The following LUZP2 variants were observed in gnomAD, a reference collection of about 807,000 sequenced individuals.
LUZP2 encodes the protein leucine zipper protein 2.
In LUZP2, 52 loss-of-function variants were observed where a neutral mutation model predicts 51.6. The observed-to-expected ratio is 1.01, with a 90% CI of 0.81 to 1.27. The LOEUF is 1.27. Ranked by LOEUF, LUZP2 falls within the 50% of genes most tolerant of loss-of-function variation. The pLI is 0.00. For missense variants in LUZP2, 436 were observed against 395.4 expected, an observed-to-expected ratio of 1.10 and a Z score of -0.87; for synonymous variants, 154 against 137.3, an observed-to-expected ratio of 1.12 and a Z score of -0.85.
chr11:24,874,375 A>G (rs1852181607), intron 5 of LUZP2, among the ~76,000 whole-genome samples: 1 of 152,114 alleles, frequency 6.6e-6, no homozygotes, highest in East Asian at 1.9e-4. Context: ...GCTTTATTAT[A>G]TGCCACCTCT....
chr11:24,927,863 C>T (rs2133828978), intron 7 of LUZP2, among the ~76,000 whole-genome samples: 1 of 152,154 alleles, frequency 6.6e-6, no homozygotes, highest in East Asian at 1.9e-4. Flanking sequence ...TTCTACCCAT[C>T]CATGAGCATG....
intron 1 of LUZP2, among the ~76,000 whole-genome samples, chr11:24,666,098 C>T (rs186061203): frequency 6.6e-6 from 1 of 152,108 alleles, no homozygotes. Context: ...ACATTCAGAG[C>T]AAGTATGAAG....
At chr11:24,571,058 A>G (rs1279788536) in intron 1 of LUZP2, among the ~76,000 whole-genome samples, 2 of 152,080 alleles carry the variant, frequency 1.3e-5, no homozygotes, top group African/African-American at 4.8e-5. Flanking sequence ...AGAAAAATAG[A>G]CTACTATTCC....
intron 7 of LUZP2, among the ~76,000 whole-genome samples, chr11:24,928,037 G>T (rs1248781925): frequency 6.6e-6 from 1 of 151,880 alleles, no homozygotes; most frequent in Non-Finnish European, 1.5e-5. Flanking sequence ...TTATTTATCA[G>T]TTTGATCACT....
chr11:24,574,205 TTCC>T (rs1852538052), intron 1 of LUZP2, among the ~76,000 whole-genome samples: 1 of 2,970 alleles, frequency 3.4e-4, no homozygotes, highest in Non-Finnish European at 7.7e-3. Context: ...TTTCTCTTTC[TTCC>T]TTCCTTTCTT....
chr11:24,726,272 A>G (rs1404505017), intron 1 of LUZP2, among the ~76,000 whole-genome samples: 1 of 152,114 alleles, frequency 6.6e-6, no homozygotes, highest in Non-Finnish European at 1.5e-5. Context: ...TCATGCCATT[A>G]GCAAATTTTC....
intron 9 of LUZP2, among the ~76,000 whole-genome samples, chr11:25,029,977 A>G (rs1857599630): frequency 6.6e-6 from 1 of 152,124 alleles, no homozygotes; most frequent in Non-Finnish European, 1.5e-5. Context: ...ACATAATAAA[A>G]CAAGCACACA....
chr11:24,592,240 A>G (rs10767218), intron 1 of LUZP2, among the ~76,000 whole-genome samples: 70,889 of 152,064 alleles, frequency 0.47, 17,099 homozygotes, highest in East Asian at 0.68. Flanking sequence ...ATGCCATGCT[A>G]TAATTTTCTT....
chr11:24,776,495 T>C (rs1033709714), intron 5 of LUZP2, among the ~76,000 whole-genome samples: 6 of 152,152 alleles, frequency 3.9e-5, no homozygotes, highest in Non-Finnish European at 5.9e-5. Context: ...GACTGATAAG[T>C]AAATATATCC....
intron 5 of LUZP2, among the ~76,000 whole-genome samples, chr11:24,773,721 T>G (rs1208005784): frequency 1.3e-5 from 2 of 152,142 alleles, no homozygotes; most frequent in African/African-American, 4.8e-5. Flanking sequence ...TCAGTAGCAT[T>G]TAAAATCTCC....
At chr11:24,671,874 T>C (rs1369832820) in intron 1 of LUZP2, among the ~76,000 whole-genome samples, 1 of 152,186 alleles carries the variant, frequency 6.6e-6, no homozygotes, top group African/African-American at 2.4e-5. Flanking sequence ...TATTTTAATT[T>C]AGTTTTCAAA....
At chr11:24,660,481 C>A (rs1041404604) in intron 1 of LUZP2, among the ~76,000 whole-genome samples, 9 of 152,110 alleles carry the variant, frequency 5.9e-5, no homozygotes, top group Admixed American at 6.6e-5. Context: ...AAAATACCAA[C>A]TTTAGTTATA....
At chr11:24,686,849 A>ACC in intron 1 of LUZP2, among the ~76,000 whole-genome samples, 1 of 151,960 alleles carries the variant, frequency 6.6e-6, no homozygotes, top group South Asian at 2.1e-4. Flanking sequence ...TAAAGGTTTG[A>ACC]CCCTGCTCAT....
chr11:24,716,014 C>T (rs11028115), intron 1 of LUZP2, among the ~76,000 whole-genome samples: 3,609 of 152,024 alleles, frequency 0.024, 134 homozygotes, highest in African/African-American at 0.079. Context: ...GTCCACTACA[C>T]CTATATTTCT....
chr11:24,932,304 G>C (rs7930756), intron 7 of LUZP2, among the ~76,000 whole-genome samples: 75,017 of 151,972 alleles, frequency 0.49, 18,871 homozygotes, highest in East Asian at 0.83. Flanking sequence ...CAAGCTTGCT[G>C]TAGGGTCTCC....
intron 1 of LUZP2, among the ~76,000 whole-genome samples, chr11:24,613,308 G>A (rs968937087): frequency 1.3e-5 from 2 of 151,676 alleles, no homozygotes; most frequent in Admixed American, 1.3e-4. Context: ...GCAGGTGTGT[G>A]TGTGGATGTG....
At chr11:24,520,602 G>T (rs1411120727) in intron 1 of LUZP2, among the ~76,000 whole-genome samples, 1 of 152,194 alleles carries the variant, frequency 6.6e-6, no homozygotes, top group Non-Finnish European at 1.5e-5. Flanking sequence ...TCACATGTTT[G>T]TGTTAGTATG....
intron 1 of LUZP2, among the ~76,000 whole-genome samples, chr11:24,529,795 A>G (rs1850938614): frequency 6.6e-6 from 1 of 150,984 alleles, no homozygotes; most frequent in Admixed American, 6.6e-5. Flanking sequence ...ATCCTGTCAA[A>G]AACTGTATAA....
chr11:25,036,757 T>G lies in LUZP2; in HGVS notation c.766-13281T>G, dbSNP rs566802960. Among the ~76,000 whole-genome samples the G allele has an allele frequency of 1.9e-3, 291 of 152,268 alleles. 1 individual carries two copies. The highest frequency in any genetic ancestry group is 0.017 in the Middle Eastern group (5 of 294). On this transcript the variant is annotated intron_variant, in intron 9 of 11. Coordinates refer to ENST00000336930, the MANE Select transcript of LUZP2 (RefSeq NM_001009909.4). ...TAATCAGGAGTACATTGTTTAATTTTCATGCGTTGAGAGAGATATTCTTTG... is the reference window on the plus strand; with the variant it reads ...TAATCAGGAGTACATTGTTTAATTTGCATGCGTTGAGAGAGATATTCTTTG...
Sources: gnomAD v4.1 joint callset for allele counts (sites outside exome capture counted in the v4.1 genomes callset) on GRCh38, gnomAD v4.1.1 for gene constraint, MANE v1.5 for transcripts, NCBI Gene and HGNC (gene_info 2026-07-23, HGNC 2026-07-21) for gene names.